Variants in CDS2 observed in about 807,000 individuals in gnomAD.
The protein encoded by CDS2 is phosphatidate cytidylyltransferase 2.
CDS2 carries 47 observed loss-of-function variants against 59.0 expected under a neutral mutation model. That is an observed-to-expected ratio of 0.80 (90% CI 0.63 to 1.02). CDS2 has a LOEUF of 1.02. Among genes scored for constraint, CDS2 ranks in the 50% least tolerant of loss-of-function variants. The pLI is 0.00. For synonymous variants in CDS2, 207 were observed against 206.4 expected, an observed-to-expected ratio of 1.00 and a Z score of -0.02; for missense variants, 356 against 558.9, an observed-to-expected ratio of 0.64 and a Z score of 3.66.
At chr20:5,131,312 C>T (rs1250301494) in intron 1 of CDS2, among the ~76,000 whole-genome samples, 1 of 152,098 alleles carries the variant, frequency 6.6e-6, no homozygotes, top group African/African-American at 2.4e-5. Context: ...AAATGTTCTC[C>T]TCTGGGAACT....
At position 5,195,258 on chromosome 20, in the gene CDS2, A is replaced by AACG. The variant is rs2091147964; in HGVS notation, c.*5024_*5025insACG. 1 of 152,390 alleles carries AACG rather than the reference A, an allele frequency of 6.6e-6. No individual in the cohort carries two copies. The highest frequency in any genetic ancestry group is 1.5e-5 in the Non-Finnish European group (1 of 68,042). 9.4% of individuals were successfully genotyped at this position (152,390 alleles called of 1,614,324 possible). Reference sequence around the variant, plus strand: ...GTTTGACCTCCGTTGGTGCAATGCCAGAGATGGGATTGTCAGCCACCACAC... The same window carrying AACG: ...GTTTGACCTCCGTTGGTGCAATGCCAACGGAGATGGGATTGTCAGCCACCACAC... On this transcript the variant is annotated 3_prime_UTR_variant, in exon 13 of 13. Transcript: ENST00000460006.
intron 7 of CDS2, among the ~76,000 whole-genome samples, chr20:5,183,649 A>C (rs569727657): frequency 7.1e-4 from 108 of 152,364 alleles, no homozygotes; most frequent in Non-Finnish European, 1.2e-3. Context: ...CTTTATACCA[A>C]AGCCAATGAG....
intron 1 of CDS2, among the ~76,000 whole-genome samples, chr20:5,127,635 C>T (rs1039449675): frequency 3.3e-5 from 5 of 152,200 alleles, no homozygotes; most frequent in Admixed American, 2.6e-4. Flanking sequence ...CCTTCTTGGG[C>T]ATGAAATCAT....
At chr20:5,144,973 A>G (rs6085011) in intron 1 of CDS2, among the ~76,000 whole-genome samples, 71,269 of 151,826 alleles carry the variant, frequency 0.47, 17,116 homozygotes, top group South Asian at 0.62. Context: ...TCTCCTTCTT[A>G]GGTCTAGTGA....
At chr20:5,152,877 G>A (rs1246219233) in intron 1 of CDS2, among the ~76,000 whole-genome samples, 1 of 152,222 alleles carries the variant, frequency 6.6e-6, no homozygotes, top group Non-Finnish European at 1.5e-5. Context: ...GTGTGGGTAA[G>A]TCTCAAAATA....
intron 5 of CDS2, among the ~76,000 whole-genome samples, chr20:5,180,501 G>A (rs2091026145): frequency 6.6e-6 from 1 of 151,998 alleles, no homozygotes; most frequent in Non-Finnish European, 1.5e-5. Flanking sequence ...CATGGCATTT[G>A]TAAACTGCCA....
chr20:5,145,825 T>TG (rs1186965663), intron 1 of CDS2, among the ~76,000 whole-genome samples: 21 of 143,666 alleles, frequency 1.5e-4, no homozygotes, highest in Non-Finnish European at 2.7e-4. Flanking sequence ...TTTTTGTGTT[T>TG]TTTTTTTTTT....
chr20:5,183,028 G>C lies in CDS2; in HGVS notation c.589-33G>C, dbSNP rs374189870. ...TTTGAAGTTACTTTCAAGGTAAACT[G>C]GTAAGTAGTGTTTATTTTTCTTTTT... On this transcript the variant is annotated intron_variant, in intron 6 of 12. Transcript: ENST00000460006. The C allele has an allele frequency of 2.6e-6, 4 of 1,556,328 alleles. No individual in the cohort carries two copies. The East Asian group carries it at 9.0e-5, about 35-fold the overall frequency.
intron 1 of CDS2, among the ~76,000 whole-genome samples, chr20:5,156,705 G>T (rs1410177317): frequency 3.9e-5 from 6 of 152,186 alleles, no homozygotes; most frequent in Admixed American, 2.6e-4. Flanking sequence ...CTAGCTTCAG[G>T]CCTGGTTTAA....
chr20:5,169,112 T>C (rs1460222654), intron 1 of CDS2, among the ~76,000 whole-genome samples: 1 of 152,236 alleles, frequency 6.6e-6, no homozygotes, highest in Non-Finnish European at 1.5e-5. Context: ...CACTCTTGTT[T>C]CCTGTTTATA....
intron 1 of CDS2, chr20:5,168,516 C>G (rs2090931067): frequency 2.1e-6 from 1 of 475,844 alleles, no homozygotes; most frequent in Non-Finnish European, 4.2e-6. Flanking sequence ...CCAAGGGATT[C>G]TCTCTAGCCA....
At chr20:5,160,146 A>C (rs1431628111) in intron 1 of CDS2, among the ~76,000 whole-genome samples, 1 of 152,224 alleles carries the variant, frequency 6.6e-6, no homozygotes, top group East Asian at 1.9e-4. Flanking sequence ...GCTGCTATTA[A>C]AAGGCAGAGT....
Position 5,196,462 on chromosome 20 carries a change from A to G in CDS2, c.*6228A>G. 1 of 152,334 alleles carries G rather than the reference A, an allele frequency of 6.6e-6. No individual in the cohort carries two copies. The allele number at this position is 152,334 out of a possible 1,614,324, so 9.4% of individuals were successfully genotyped here. ...CATTGGGCAGGGCCTAGCCTTTTGCAGCCCCCAGAGGACCTTGCCTGCATA... is the reference window on the plus strand; with the variant it reads ...CATTGGGCAGGGCCTAGCCTTTTGCGGCCCCCAGAGGACCTTGCCTGCATA... On this transcript the variant is annotated 3_prime_UTR_variant, in exon 13 of 13. Coordinates refer to ENST00000460006, the MANE Select transcript of CDS2 (RefSeq NM_003818.4).
intron 4 of CDS2, among the ~76,000 whole-genome samples, chr20:5,177,514 C>T (rs917143763): frequency 2.6e-5 from 4 of 152,062 alleles, no homozygotes; most frequent in Admixed American, 2.6e-4. Context: ...TGTCTGAGAC[C>T]CCTTTCTGAT....
intron 10 of CDS2, chr20:5,187,833 G>A (rs1273963977): frequency 6.8e-6 from 1 of 147,870 alleles, no homozygotes; most frequent in Non-Finnish European, 1.5e-5. Flanking sequence ...AGTGAGCCAA[G>A]ATCGCACCAC....
chr20:5,172,353 A>C (rs935890025), intron 1 of CDS2, among the ~76,000 whole-genome samples: 1 of 152,220 alleles, frequency 6.6e-6, no homozygotes, highest in African/African-American at 2.4e-5. Flanking sequence ...CTGAGAGAAC[A>C]TATTAGTAAC....
At chr20:5,138,957 C>G (rs1276486590) in intron 1 of CDS2, among the ~76,000 whole-genome samples, 9 of 152,118 alleles carry the variant, frequency 5.9e-5, no homozygotes, top group African/African-American at 2.2e-4. Flanking sequence ...TGATCCCAAG[C>G]AAAAAGAACA....
chr20:5,147,191 G>C (rs2090750532), intron 1 of CDS2, among the ~76,000 whole-genome samples: 1 of 152,186 alleles, frequency 6.6e-6, no homozygotes, highest in Admixed American at 6.5e-5. Context: ...AGCAGTCTCT[G>C]AGAACTCTTA....
chr20:5,170,373 T>G (rs2090946971), intron 1 of CDS2, among the ~76,000 whole-genome samples: 1 of 152,186 alleles, frequency 6.6e-6, no homozygotes, highest in African/African-American at 2.4e-5. Flanking sequence ...GCACTCAGCT[T>G]CCTTTTCCGG....
Sources: gnomAD v4.1 joint callset for allele counts (sites outside exome capture counted in the v4.1 genomes callset) on GRCh38, gnomAD v4.1.1 for gene constraint, MANE v1.5 for transcripts, NCBI Gene and HGNC (gene_info 2026-07-23, HGNC 2026-07-21) for gene names.